Variants in HFM1 observed in about 807,000 individuals in gnomAD.
HFM1 encodes helicase for meiosis 1, also known as probable ATP-dependent DNA helicase HFM1.
In HFM1, 169 loss-of-function variants were observed where a neutral mutation model predicts 192.1. The ratio of observed to expected loss-of-function variants is 0.88; its 90% CI spans 0.78 to 1.00. The LOEUF (loss-of-function observed/expected upper bound fraction) is 1.00. Ranked by LOEUF, HFM1 falls within the 50% of genes least tolerant of loss-of-function variation. The pLI is 0.00. For missense variants in HFM1, 1,661 were observed against 1,668.0 expected (o/e 1.00, Z 0.07); for synonymous variants, 525 against 537.8 (o/e 0.98, Z 0.33).
intron 30 of HFM1, among the ~76,000 whole-genome samples, chr1:91,283,473 G>C (rs1307741280): frequency 6.6e-6 from 1 of 151,966 alleles, no homozygotes; most frequent in Non-Finnish European, 1.5e-5. Flanking sequence ...GGCTGGTCTC[G>C]AACCTGTAAG....
intron 19 of HFM1, among the ~76,000 whole-genome samples, chr1:91,345,084 T>A (rs1480185387): frequency 2.0e-5 from 3 of 152,112 alleles, no homozygotes; most frequent in Non-Finnish European, 4.4e-5. Context: ...TATTTTGATA[T>A]AGAGTAAGGC....
intron 32 of HFM1, among the ~76,000 whole-genome samples, chr1:91,275,741 C>T (rs1243419281): frequency 1.3e-5 from 2 of 152,156 alleles, no homozygotes; most frequent in Non-Finnish European, 2.9e-5. Context: ...ATTGCCACTA[C>T]CCTAAACTAG....
At chr1:91,283,478 T>TGTAA (rs753474219) in intron 30 of HFM1, among the ~76,000 whole-genome samples, 11 of 152,152 alleles carry the variant, frequency 7.2e-5, no homozygotes, top group Middle Eastern at 3.4e-3. Flanking sequence ...GTCTCGAACC[T>TGTAA]GTAAGTTCAA....
intron 30 of HFM1, among the ~76,000 whole-genome samples, chr1:91,289,057 C>G (rs1668377492): frequency 6.6e-6 from 1 of 151,760 alleles, no homozygotes; most frequent in Admixed American, 6.6e-5. Context: ...TGCCCCCCAC[C>G]TCCCGGATGG....
chr1:91,286,075 G>C (rs2100863468), intron 30 of HFM1, among the ~76,000 whole-genome samples: 1 of 152,228 alleles, frequency 6.6e-6, no homozygotes, highest in African/African-American at 2.4e-5. Flanking sequence ...TAAGTGAAAA[G>C]GTGAAAGTTC....
chr1:91,306,519 G>A (rs1331473451), intron 30 of HFM1, among the ~76,000 whole-genome samples: 1 of 151,908 alleles, frequency 6.6e-6, no homozygotes, highest in African/African-American at 2.4e-5. Context: ...TGAATGGTAA[G>A]CCTCTCCTGC....
Position 91,399,339 on chromosome 1 carries a change from T to C in HFM1, c.71+1673A>G, listed in dbSNP as rs534773745. ...TAAGCAAATGGATAGCTTTGACAGA[T>C]AGATATTTGATACTCCCTCTAGATT... On this transcript the variant is annotated intron_variant, in intron 2 of 38. Transcript: ENST00000370425. 7.7e-5 allele frequency among the ~76,000 whole-genome samples: 11 copies of C among 143,434 alleles called. No homozygotes were observed. In the South Asian group the frequency reaches 9.2e-4, roughly 12 times the overall value. The allele number at this position is 143,434 out of a possible 152,430, so 94.1% of individuals were successfully genotyped here.
Position 91,316,178 on chromosome 1 carries a change from T to G in HFM1, c.2905A>C (p.Asn969His), listed in dbSNP as rs1220132406. The change falls in exon 27 of 39, where the codon AAC becomes CAC. Residue 969 changes from asparagine to histidine, a missense_variant. By Grantham distance (68) the Asn-to-His change is moderately conservative (BLOSUM62 1). Transcript: ENST00000370425. ...TGGGTTCCAAAGGGGGGATGTCTGT[T>G]TAAAATCTAAAAATATTTACATCAT... ...TDARELELILNRHPPFGTQIK... is the reference protein window; with the variant it reads ...TDARELELILHRHPPFGTQIK... 2.6e-6 allele frequency: 4 copies of G among 1,552,678 alleles called. No individual in the cohort carries two copies. The highest frequency in any genetic ancestry group is 3.5e-6 in the Non-Finnish European group (4 of 1,140,016).
chr1:91,349,968 A>C (rs183760895), intron 18 of HFM1, among the ~76,000 whole-genome samples: 10 of 152,342 alleles, frequency 6.6e-5, no homozygotes, highest in Admixed American at 4.6e-4. Flanking sequence ...AGGGGAAGGA[A>C]AGGCAAGAGA....
chr1:91,303,517 G>A (rs1649152427), intron 30 of HFM1, among the ~76,000 whole-genome samples: 1 of 152,044 alleles, frequency 6.6e-6, no homozygotes. Flanking sequence ...AATTCTTTTG[G>A]ATATACACCT....
chr1:91,375,038 A>T (rs887212589), intron 13 of HFM1, among the ~76,000 whole-genome samples: 1 of 152,158 alleles, frequency 6.6e-6, no homozygotes, highest in Non-Finnish European at 1.5e-5. Context: ...GTAAGGTGGA[A>T]GTGGCCAAAT....
chr1:91,389,755 C>G (rs187120061), intron 4 of HFM1, among the ~76,000 whole-genome samples: 1 of 152,218 alleles, frequency 6.6e-6, no homozygotes, highest in Non-Finnish European at 1.5e-5. Context: ...AAATGAGATA[C>G]ACCACAATGA....
intron 30 of HFM1, among the ~76,000 whole-genome samples, chr1:91,281,311 C>T (rs868293271): frequency 2.0e-5 from 3 of 152,238 alleles, no homozygotes; most frequent in Non-Finnish European, 2.9e-5. Context: ...AGTTTTGCAG[C>T]CTTCCTTTTT....
At chr1:91,383,937 C>A (rs1261467892) in intron 6 of HFM1, among the ~76,000 whole-genome samples, 1 of 151,288 alleles carries the variant, frequency 6.6e-6, no homozygotes, top group Non-Finnish European at 1.5e-5. Context: ...AAAAATATAC[C>A]ATTTTTATTT....
chr1:91,313,635 G>T (rs2101144996), intron 29 of HFM1, 140 bp from the exon 30 acceptor site: 1 of 477,762 alleles, frequency 2.1e-6, no homozygotes, highest in Non-Finnish European at 3.5e-6. Flanking sequence ...ATGTTGAAAG[G>T]TTAAAAAATA....
At position 91,262,244 on chromosome 1, in the gene HFM1, A is replaced by C; in HGVS notation, c.4235T>G (p.Phe1412Cys). 3.7e-6 allele frequency: 5 copies of C among 1,333,780 alleles called. No individual in the cohort carries two copies. The highest frequency in any genetic ancestry group is 4.2e-6 in the Non-Finnish European group (4 of 960,490). 82.6% of individuals were successfully genotyped at this position (1,333,780 alleles called of 1,614,324 possible). Residue 1412 changes from phenylalanine (F) to cysteine (C), a missense_variant, in exon 38 of 39, where the codon TTC becomes TGC. Phe to Cys is a radical substitution (Grantham distance 205). Transcript: ENST00000370425. ...AGTGTCTTTAAAGAGTTCTTACCTG[A>C]AATCAACTTCCTTTTTACATTCACT... ...RNSECKKEVD[F>C]SMYHPDDEAD...
chr1:91,349,163 C>T (rs1417493653), intron 18 of HFM1, among the ~76,000 whole-genome samples: 1 of 151,938 alleles, frequency 6.6e-6, no homozygotes, highest in Admixed American at 6.6e-5. Context: ...GTGGTGCGTG[C>T]CTGTAGTCTG....
chr1:91,321,784 T>G (rs1334536914), intron 23 of HFM1, among the ~76,000 whole-genome samples: 5 of 152,178 alleles, frequency 3.3e-5, no homozygotes, highest in Non-Finnish European at 4.4e-5. Context: ...ATAATTAACT[T>G]TAAAATTTGA....
At chr1:91,262,159 G>T in intron 38 of HFM1, 82 bp downstream of exon 38, 1 of 648,622 alleles carries the variant, frequency 1.5e-6, no homozygotes, top group East Asian at 2.9e-5. Context: ...TCTTTAAAAT[G>T]AAAAGGAAAA....
Sources: allele counts gnomAD v4.1 joint callset (sites outside exome capture counted in the v4.1 genomes callset), GRCh38; gene constraint gnomAD v4.1.1; transcripts MANE v1.5; gene names NCBI Gene and HGNC (gene_info 2026-07-23, HGNC 2026-07-21).